Variants in LY96 observed in about 807,000 individuals in gnomAD.
LY96 encodes the protein lymphocyte antigen 96, also known as myeloid differentiation protein-2.
Under a neutral mutation model 18.9 loss-of-function variants are expected in LY96, and 18 were observed. That is an observed-to-expected ratio of 0.95 (90% CI 0.66 to 1.41). The LOEUF (loss-of-function observed/expected upper bound fraction) is 1.41, where lower values mean the gene tolerates loss of function less well. Ranked by LOEUF, LY96 falls within the 40% of genes most tolerant of loss-of-function variation. The probability of loss-of-function intolerance (pLI) is 0.00; values close to 1 mark genes in which losing one functional copy is unlikely to be tolerated. For synonymous variants in LY96, 66 were observed against 62.6 expected, an observed-to-expected ratio of 1.06 and a Z score of -0.26; for missense variants, 175 against 182.4, an observed-to-expected ratio of 0.96 and a Z score of 0.23.
At chr8:74,052,040 G>A in the LY96 span, among the ~76,000 whole-genome samples, 9 of 151,806 alleles carry the variant, frequency 5.9e-5, no homozygotes, top group Non-Finnish European at 7.4e-5. Flanking sequence ...TGCAGCTGAA[G>A]GTGTAAAACA....
rs1475601213 is a variant in LY96, at chr8:74,010,148, T to C, written c.331+19T>C. 1.9e-6 allele frequency: 3 copies of C among 1,602,190 alleles called. No homozygotes were observed. Among genetic ancestry groups the C allele is most frequent in the Admixed American group, 3.3e-5 (2 of 59,894 alleles). On this transcript the variant is annotated intron_variant, in intron 3 of 4. Transcript: ENST00000284818. ...AAGGGAGGTAAGTATTCAGTTCATATTACTTTTAGAATAGGAAATAATTCT... is the reference window on the plus strand; with the variant it reads ...AAGGGAGGTAAGTATTCAGTTCATACTACTTTTAGAATAGGAAATAATTCT...
At chr8:74,089,497 C>G in the LY96 span, among the ~76,000 whole-genome samples, 1 of 152,124 alleles carries the variant, frequency 6.6e-6, no homozygotes, top group African/African-American at 2.4e-5. Flanking sequence ...TGAAACTTTC[C>G]CATATCTGAC....
At chr8:74,073,640 A>AATTAATTTATTTATTTATTT in the LY96 span, among the ~76,000 whole-genome samples, 1 of 145,250 alleles carries the variant, frequency 6.9e-6, no homozygotes, top group African/African-American at 2.5e-5. Flanking sequence ...GAGATTGATG[A>AATTAATTTATTTATTTATTT]ATTTATTTAT....
chr8:74,020,495 C>A (rs1816736848), intron 3 of LY96, among the ~76,000 whole-genome samples: 1 of 152,072 alleles, frequency 6.6e-6, no homozygotes, highest in African/African-American at 2.4e-5. Flanking sequence ...CCATACTGCC[C>A]AAGGTAATTT....
At chr8:74,021,724 T>C (rs1586659624) in intron 3 of LY96, among the ~76,000 whole-genome samples, 1 of 152,262 alleles carries the variant, frequency 6.6e-6, no homozygotes, top group East Asian at 1.9e-4. Flanking sequence ...ATATACACCA[T>C]GGAATACTAT....
At chr8:74,044,133 G>C in the LY96 span, among the ~76,000 whole-genome samples, 3 of 151,694 alleles carry the variant, frequency 2.0e-5, no homozygotes, top group African/African-American at 7.3e-5. Flanking sequence ...ACAACACTTA[G>C]TAAGCAAGGT....
the LY96 span, among the ~76,000 whole-genome samples, chr8:74,078,324 G>A: frequency 6.6e-6 from 1 of 152,068 alleles, no homozygotes; most frequent in Non-Finnish European, 1.5e-5. Flanking sequence ...TGAATACCTG[G>A]GAAAGGAGAT....
At chr8:74,085,495 A>G in the LY96 span, among the ~76,000 whole-genome samples, 1 of 152,218 alleles carries the variant, frequency 6.6e-6, no homozygotes, top group Non-Finnish European at 1.5e-5. Flanking sequence ...ATCACCCACG[A>G]AACCAAAGAT....
At chr8:74,073,724 C>T in the LY96 span, among the ~76,000 whole-genome samples, 2 of 151,894 alleles carry the variant, frequency 1.3e-5, no homozygotes, top group South Asian at 2.1e-4. Context: ...AGTACGGTGG[C>T]GCAATCTCAG....
chr8:73,994,071 G>C (rs1816070667), intron 1 of LY96, among the ~76,000 whole-genome samples: 1 of 151,792 alleles, frequency 6.6e-6, no homozygotes, highest in Non-Finnish European at 1.5e-5. Flanking sequence ...TGCAACCTCT[G>C]CCTCCTGGGT....
At chr8:74,074,684 G>A in the LY96 span, among the ~76,000 whole-genome samples, 1 of 151,970 alleles carries the variant, frequency 6.6e-6, no homozygotes, top group Non-Finnish European at 1.5e-5. Context: ...GGTATGTTGT[G>A]TTTCTATTAT....
At chr8:74,075,832 T>G in the LY96 span, among the ~76,000 whole-genome samples, 1 of 152,160 alleles carries the variant, frequency 6.6e-6, no homozygotes, top group African/African-American at 2.4e-5. Context: ...GTAAAGGGTA[T>G]GAAAAGAGAT....
the LY96 span, among the ~76,000 whole-genome samples, chr8:74,086,816 A>T: frequency 6.6e-6 from 1 of 152,218 alleles, no homozygotes; most frequent in Non-Finnish European, 1.5e-5. Flanking sequence ...CTCCTTCCCC[A>T]TGTGAGAACA....
chr8:74,045,382 A>G, the LY96 span, among the ~76,000 whole-genome samples: 4 of 152,242 alleles, frequency 2.6e-5, no homozygotes, highest in South Asian at 2.1e-4. Flanking sequence ...GTTCAGTTCT[A>G]CTTAACAGCA....
the LY96 span, among the ~76,000 whole-genome samples, chr8:74,059,346 C>G: frequency 7.9e-5 from 12 of 152,120 alleles, no homozygotes; most frequent in Non-Finnish European, 1.8e-4. Context: ...ATAAAAATCC[C>G]AACATTATTG....
chr8:74,058,188 A>C, the LY96 span, among the ~76,000 whole-genome samples: 2,178 of 152,246 alleles, frequency 0.014, 84 homozygotes, highest in Admixed American at 0.078. Context: ...AAAAAAAAAA[A>C]CTAAAATATT....
the LY96 span, among the ~76,000 whole-genome samples, chr8:74,098,373 T>A: frequency 6.6e-6 from 1 of 152,220 alleles, no homozygotes; most frequent in Non-Finnish European, 1.5e-5. Context: ...CATCTTATTC[T>A]GTCTTTTTAT....
the LY96 span, among the ~76,000 whole-genome samples, chr8:74,039,510 C>T: frequency 1.3e-5 from 2 of 152,094 alleles, no homozygotes; most frequent in East Asian, 1.9e-4. Context: ...ACCATCAAGA[C>T]GTGGAGACTG....
the LY96 span, among the ~76,000 whole-genome samples, chr8:74,042,239 G>A: frequency 6.6e-6 from 1 of 152,154 alleles, no homozygotes; most frequent in Non-Finnish European, 1.5e-5. Context: ...TTGAGACTGG[G>A]GCTGGGCACA....
Sources: gnomAD v4.1 joint callset for allele counts (sites outside exome capture counted in the v4.1 genomes callset) on GRCh38, gnomAD v4.1.1 for gene constraint, MANE v1.5 for transcripts, NCBI Gene and HGNC (gene_info 2026-07-23, HGNC 2026-07-21) for gene names.